Variants in RIMS1 observed in about 807,000 individuals in gnomAD.
The protein encoded by RIMS1 is regulating synaptic membrane exocytosis 1.
In RIMS1, 83 loss-of-function variants were observed where a neutral mutation model predicts 214.1. The ratio of observed to expected loss-of-function variants is 0.39; its 90% confidence interval spans 0.32 to 0.47. RIMS1 has a LOEUF of 0.47. RIMS1 is among the 20% of genes least tolerant of loss of function. RIMS1 has a pLI of 0.99. For missense variants in RIMS1, 2,050 were observed against 2,161.8 expected (o/e 0.95, Z 1.03); for synonymous variants, 793 against 786.8 (o/e 1.01, Z -0.13).
chr6:72,208,815 T>C (rs2053342720), intron 6 of RIMS1, among the ~76,000 whole-genome samples: 1 of 152,168 alleles, frequency 6.6e-6, no homozygotes, highest in African/African-American at 2.4e-5. Flanking sequence ...CTTAAAAATA[T>C]TATCTCTGAA....
At chr6:72,068,929 TGAGGTG>T (rs1829972567) in intron 2 of RIMS1, among the ~76,000 whole-genome samples, 1 of 150,378 alleles carries the variant, frequency 6.6e-6, no homozygotes, top group Non-Finnish European at 1.5e-5. Flanking sequence ...AAAAAATTTA[TGAGGTG>T]CAATGAGCTG....
At chr6:72,097,907 T>C (rs2032310289) in intron 3 of RIMS1, among the ~76,000 whole-genome samples, 1 of 152,186 alleles carries the variant, frequency 6.6e-6, no homozygotes, top group Admixed American at 6.5e-5. Context: ...TAGTTTAGAA[T>C]ACATTTTAAT....
intron 5 of RIMS1, among the ~76,000 whole-genome samples, chr6:72,180,374 G>C (rs2048248508): frequency 6.6e-6 from 1 of 152,184 alleles, no homozygotes; most frequent in Non-Finnish European, 1.5e-5. Flanking sequence ...GAGAAGGGAA[G>C]GATGGGTGCT....
Position 72,400,584 on chromosome 6 carries a change from G to C in RIMS1, c.4949G>C (p.Ser1650Thr). The change falls in exon 34 of 34, where the codon AGC becomes ACC. Residue 1650 changes from serine (S) to threonine (T), a missense_variant. Ser to Thr is a moderately conservative substitution (Grantham distance 58). This residue lies in a region of RIMS1 where 14 missense variants were observed against 52.9 expected (regional missense o/e 0.26). Transcript: ENST00000521978. ...TTGTTGGAAGAACTCGACCTGTCCAGCATGGTGATCGGATGGTACAAATTG... is the reference window on the plus strand; with the variant it reads ...TTGTTGGAAGAACTCGACCTGTCCACCATGGTGATCGGATGGTACAAATTG... ...QILLEELDLSSMVIGWYKLFP... is the reference protein window; with the variant it reads ...QILLEELDLSTMVIGWYKLFP... 1 of 1,613,930 alleles carries C rather than the reference G, an allele frequency of 6.2e-7. No homozygotes were observed. Among genetic ancestry groups the C allele is most frequent in the Non-Finnish European group, 8.5e-7 (1 of 1,179,872 alleles).
At chr6:71,971,324 A>G (rs978602017) in intron 2 of RIMS1, among the ~76,000 whole-genome samples, 3 of 152,216 alleles carry the variant, frequency 2.0e-5, no homozygotes, top group African/African-American at 7.2e-5. Context: ...AAACTATTGC[A>G]ATAGGTCAGG....
At chr6:71,922,964 T>C (rs539878959) in intron 1 of RIMS1, among the ~76,000 whole-genome samples, 16 of 151,066 alleles carry the variant, frequency 1.1e-4, no homozygotes, top group Middle Eastern at 3.4e-3. Flanking sequence ...ATAAAAACGA[T>C]AGCTTAAAAA....
intron 2 of RIMS1, among the ~76,000 whole-genome samples, chr6:72,057,725 T>G (rs972360093): frequency 6.6e-6 from 1 of 152,118 alleles, no homozygotes; most frequent in Admixed American, 6.5e-5. Context: ...ACCAGGATGG[T>G]CCCGATCTCC....
intron 6 of RIMS1, among the ~76,000 whole-genome samples, chr6:72,209,436 A>G (rs1340564086): frequency 1.3e-5 from 2 of 152,218 alleles, no homozygotes; most frequent in South Asian, 2.1e-4. Context: ...ACATCCTAAC[A>G]TTTTGAGAAT....
chr6:71,916,521 T>G (rs1031719374), intron 1 of RIMS1, among the ~76,000 whole-genome samples: 2 of 152,166 alleles, frequency 1.3e-5, no homozygotes, highest in Non-Finnish European at 2.9e-5. Flanking sequence ...GTATTTGTAT[T>G]CTAAGAATTC....
intron 1 of RIMS1, among the ~76,000 whole-genome samples, chr6:71,927,706 T>A (rs1399235640): frequency 6.6e-6 from 1 of 152,114 alleles, no homozygotes; most frequent in African/African-American, 2.4e-5. Context: ...AACTAATGGT[T>A]AGCTCTTCTT....
chr6:72,176,230 T>C (rs2047683704), intron 4 of RIMS1, among the ~76,000 whole-genome samples: 1 of 152,184 alleles, frequency 6.6e-6, no homozygotes, highest in African/African-American at 2.4e-5. Flanking sequence ...AAAAGGTGTG[T>C]TTGTGTGCTT....
intron 28 of RIMS1, among the ~76,000 whole-genome samples, chr6:72,315,708 CAG>C (rs1414902796): frequency 3.3e-5 from 5 of 151,810 alleles, no homozygotes; most frequent in Non-Finnish European, 5.9e-5. Flanking sequence ...CACACACACA[CAG>C]AGACACACAA....
chr6:72,152,244 A>G (rs1271990417), intron 4 of RIMS1, among the ~76,000 whole-genome samples: 1 of 152,238 alleles, frequency 6.6e-6, no homozygotes. Context: ...AGCACTTACT[A>G]TGTGCTAGGC....
In RIMS1 at chr6:72,158,096, A is replaced by G. The variant is rs1029576716; in HGVS notation, c.472-21479A>G. 1.1e-4 allele frequency among the ~76,000 whole-genome samples: 15 copies of G among 140,364 alleles called. 2 individuals carry two copies. The Admixed American group carries it at 1.1e-3, about 10-fold the overall frequency. The allele number at this position is 140,364 out of a possible 152,430, so 92.1% of individuals were successfully genotyped here. On this transcript the variant is annotated intron_variant, in intron 4 of 33. Coordinates refer to ENST00000521978, the MANE Select transcript of RIMS1 (RefSeq NM_014989.7). ...CATCAATATTCATTTATATTTACCA[A>G]CTGTTGCTGTTTATTCTTTCCTGTA...
intron 4 of RIMS1, among the ~76,000 whole-genome samples, chr6:72,134,199 T>A (rs1460804295): frequency 1.3e-5 from 2 of 152,110 alleles, no homozygotes; most frequent in African/African-American, 4.8e-5. Flanking sequence ...CAATATAATT[T>A]ATTCATCAGG....
At chr6:72,167,218 G>A (rs1044926998) in intron 4 of RIMS1, among the ~76,000 whole-genome samples, 29 of 151,468 alleles carry the variant, frequency 1.9e-4, no homozygotes, top group Non-Finnish European at 3.8e-4. Flanking sequence ...TATATAAAAT[G>A]TTTATTTTGC....
intron 2 of RIMS1, among the ~76,000 whole-genome samples, chr6:72,095,494 T>C (rs2031255025): frequency 6.6e-6 from 1 of 152,208 alleles, no homozygotes; most frequent in Admixed American, 6.5e-5. Context: ...GAAGTGATAT[T>C]AGCTGGCCTT....
At chr6:72,018,991 T>TGG (rs1813686737) in intron 2 of RIMS1, among the ~76,000 whole-genome samples, 1 of 152,158 alleles carries the variant, frequency 6.6e-6, no homozygotes, top group Non-Finnish European at 1.5e-5. Flanking sequence ...ATGACCTGCT[T>TGG]GATTAGATAA....
At chr6:72,076,680 A>G (rs1326380589) in intron 2 of RIMS1, among the ~76,000 whole-genome samples, 3 of 152,306 alleles carry the variant, frequency 2.0e-5, no homozygotes, top group Admixed American at 6.5e-5. Flanking sequence ...AGTGCGCTCC[A>G]GAGACTTCCA....
Sources: gnomAD v4.1 joint callset for allele counts (sites outside exome capture counted in the v4.1 genomes callset) on GRCh38, gnomAD v4.1.1 for gene constraint, gnomAD v4.1.1 regional missense constraint, MANE v1.5 for transcripts, NCBI Gene and HGNC (gene_info 2026-07-23, HGNC 2026-07-21) for gene names.